SERPING1: variants seen among roughly 807,000 people sequenced by gnomAD.
SERPING1 encodes serpin family G member 1.
Under a neutral mutation model 34.1 loss-of-function variants are expected in SERPING1, and 5 were observed. That is an observed-to-expected ratio of 0.15 (90% CI 0.08 to 0.31). SERPING1 has a LOEUF of 0.31. Among genes scored for constraint, SERPING1 ranks in the 10% least tolerant of loss-of-function variants. The pLI, the probability that SERPING1 is intolerant of heterozygous loss-of-function variation, is 1.00. For synonymous variants in SERPING1, 225 were observed against 242.4 expected (o/e 0.93, Z 0.67); for missense variants, 505 against 609.5 (o/e 0.83, Z 1.81).
intron 6 of SERPING1, among the ~76,000 whole-genome samples, chr11:57,607,032 G>C (rs1022325032): frequency 6.6e-5 from 10 of 152,230 alleles, no homozygotes; most frequent in Non-Finnish European, 1.2e-4. Context: ...TTAGTTTGAT[G>C]AGTAGGGAGG....
chr11:57,613,774 A>G (rs1236950291), intron 7 of SERPING1, among the ~76,000 whole-genome samples: 4 of 152,120 alleles, frequency 2.6e-5, no homozygotes. Context: ...CCAAGCTTCT[A>G]ATCACACTTG....
At chr11:57,599,456 A>T (rs1439815813) in intron 2 of SERPING1, among the ~76,000 whole-genome samples, 1 of 152,098 alleles carries the variant, frequency 6.6e-6, no homozygotes, top group Non-Finnish European at 1.5e-5. Context: ...CAGTTTAAAA[A>T]TTTACTGTTC....
chr11:57,608,712 C>T (rs1945440551), intron 6 of SERPING1, among the ~76,000 whole-genome samples: 1 of 151,846 alleles, frequency 6.6e-6, no homozygotes, highest in South Asian at 2.1e-4. Flanking sequence ...GGGGTTTCAC[C>T]ATGTTGGCCA....
chr11:57,604,445 G>A lies in SERPING1; in HGVS notation c.686-1565G>A, dbSNP rs28362950. ...AGCTGTTTCTGGAGTCATGGTGGGA[G>A]TGGGGTGTGGGGAGCCTGAGCAGTG... On this transcript the variant is annotated intron_variant, in intron 4 of 7. Coordinates refer to ENST00000278407, the MANE Select transcript of SERPING1 (RefSeq NM_000062.3). Among the ~76,000 whole-genome samples the A allele has an allele frequency of 0.21, 32,019 of 151,768 alleles. 3,737 individuals are homozygous for A. Among genetic ancestry groups the A allele is most frequent in the Non-Finnish European group, 0.27 (18,320 of 67,826 alleles).
intron 2 of SERPING1, among the ~76,000 whole-genome samples, chr11:57,599,103 A>G (rs776031335): frequency 2.0e-5 from 3 of 152,056 alleles, no homozygotes; most frequent in Non-Finnish European, 4.4e-5. Context: ...CTACCTGTGA[A>G]ATGGAGCTAA....
At chr11:57,611,680 GTA>G (rs1480205077) in intron 6 of SERPING1, 35 bp from the exon 7 acceptor site, 3 of 1,571,428 alleles carry the variant, frequency 1.9e-6, no homozygotes, top group Non-Finnish European at 2.6e-6. Flanking sequence ...GAGAGATGCG[GTA>G]GGAAGACTGT....
intron 4 of SERPING1, 24 bp from the exon 5 acceptor site, chr11:57,605,986 C>T (rs775201416): frequency 1.2e-6 from 2 of 1,606,866 alleles, no homozygotes; most frequent in South Asian, 1.1e-5. Context: ...GGACTCATGC[C>T]TCCCTTTCTC....
Position 57,614,532 on chromosome 11 carries a change from A to T in SERPING1, c.1454A>T (p.Gln485Leu). 1 of 1,614,068 alleles carries T rather than the reference A, an allele frequency of 6.2e-7. No homozygotes were observed. Among genetic ancestry groups the T allele is most frequent in the South Asian group, 1.1e-5 (1 of 91,082 alleles). ...QPFLFVLWDQ[Q>L]HKFPVFMGRV... ...TTCCTCTTCGTGCTCTGGGACCAGC[A>T]GCACAAGTTCCCTGTCTTCATGGGG... Residue 485 changes from glutamine (Q) to leucine (L), a missense_variant, in exon 8 of 8, where the codon CAG (glutamine) becomes CTG (leucine). Transcript: ENST00000278407.
chr11:57,611,023 C>G (rs1945471379), intron 6 of SERPING1, among the ~76,000 whole-genome samples: 1 of 152,112 alleles, frequency 6.6e-6, no homozygotes, highest in Non-Finnish European at 1.5e-5. Flanking sequence ...CAGCCTCCAC[C>G]TCCCGGGTTC....
Position 57,614,499 on chromosome 11 carries a change from A to G in SERPING1, c.1421A>G (p.Gln474Arg). Residue 474 changes from glutamine to arginine, a missense_variant, in exon 8 of 8, where the codon CAG (glutamine) becomes CGG (arginine). Coordinates refer to ENST00000278407, the MANE Select transcript of SERPING1 (RefSeq NM_000062.3). ...VARTLLVFEV[Q>R]QPFLFVLWDQ... ...CGCACCCTGCTGGTCTTTGAAGTGC[A>G]GCAGCCCTTCCTCTTCGTGCTCTGG... 6.2e-7 allele frequency: 1 copy of G among 1,614,094 alleles called. No homozygotes were observed.
Position 57,606,474 on chromosome 11 carries a change from T to C in SERPING1, c.956T>C (p.Val319Ala). 1 of 1,614,168 alleles carries C rather than the reference T, an allele frequency of 6.2e-7. No homozygotes were observed. Among genetic ancestry groups the C allele is most frequent in the Non-Finnish European group, 8.5e-7 (1 of 1,180,028 alleles). The change falls in exon 6 of 8, where the codon GTT becomes GCT. Residue 319 changes from valine (V) to alanine (A), a missense_variant. By Grantham distance (64) the Val-to-Ala change is moderately conservative. Transcript: ENST00000278407. ...GAACCCTTTCACTTCAAAAACTCAG[T>C]TATAAAAGTGCCCATGATGAATAGC... Reference protein sequence around the residue: ...RMEPFHFKNSVIKVPMMNSKK... With the variant: ...RMEPFHFKNSAIKVPMMNSKK...
intron 7 of SERPING1, among the ~76,000 whole-genome samples, chr11:57,613,875 G>T (rs1442416454): frequency 6.6e-6 from 1 of 152,034 alleles, no homozygotes; most frequent in Admixed American, 6.6e-5. Context: ...AATTCCAAGG[G>T]ATCTAGTAGC....
chr11:57,611,628 G>A (rs148400975), intron 6 of SERPING1, 89 bp from the exon 7 acceptor site: 3 of 1,192,054 alleles, frequency 2.5e-6, no homozygotes, highest in Admixed American at 1.7e-5. Flanking sequence ...GACTGTGGGA[G>A]CAGACTGCAG....
rs773505671 is a variant in SERPING1, at chr11:57,599,979, C to T, written c.152C>T (p.Ser51Phe). 1 of 1,614,196 alleles carries T rather than the reference C, an allele frequency of 6.2e-7. No individual in the cohort carries two copies. The highest frequency in any genetic ancestry group is 8.5e-7 in the Non-Finnish European group (1 of 1,180,032). ...GGGAAGGTCGCAACAACAGTTATCT[C>T]CAAGATGCTATTCGTTGAACCCATC... ...GEGKVATTVI[S>F]KMLFVEPILE... Residue 51 changes from serine to phenylalanine, a missense_variant, in exon 3 of 8, where the codon TCC becomes TTC. Physicochemically the swap from Ser to Phe is radical, Grantham distance 155. Transcript: ENST00000278407.
intron 6 of SERPING1, among the ~76,000 whole-genome samples, chr11:57,608,651 T>C (rs1467446618): frequency 6.6e-6 from 1 of 152,104 alleles, no homozygotes; most frequent in Non-Finnish European, 1.5e-5. Flanking sequence ...TAGCTGGGAT[T>C]ATAGGTGCCT....
chr11:57,606,670 CT>C, intron 6 of SERPING1, 123 bp downstream of exon 6: 1 of 1,002,974 alleles, frequency 1.0e-6, no homozygotes, highest in East Asian at 2.4e-5. Flanking sequence ...CTCCTTCCAT[CT>C]GTATTTCCAC....
At chr11:57,611,443 C>T (rs967443762) in intron 6 of SERPING1, 10 of 522,896 alleles carry the variant, frequency 1.9e-5, no homozygotes, top group East Asian at 3.4e-5. Context: ...AATCAAATCA[C>T]TTGCCCATAT....
rs1185207838 is a variant in SERPING1 at position 57,611,897 on chromosome 11, A to C, written c.1210A>C (p.Thr404Pro). Residue 404 changes from threonine to proline, a missense_variant, in exon 7 of 8, where the codon ACG becomes CCG. By Grantham distance (38) the Thr-to-Pro change is conservative (BLOSUM62 -1). Transcript: ENST00000278407. ...CCTAACACTACCCCGCATCAAAGTG[A>C]CGACCAGCCAGGATATGCTCTCAAT... is the stretch of plus-strand genomic sequence containing the variant. ...TLLTLPRIKV[T>P]TSQDMLSIME... The C allele has an allele frequency of 6.2e-7, 1 of 1,614,178 alleles. No homozygotes were observed. Among genetic ancestry groups the C allele is most frequent in the Non-Finnish European group, 8.5e-7 (1 of 1,180,040 alleles).
Position 57,606,204 on chromosome 11 carries a change from T to C in SERPING1, c.880T>C (p.Tyr294His). 6.2e-7 allele frequency: 1 copy of C among 1,614,188 alleles called. No individual in the cohort carries two copies. The change falls in exon 5 of 8, where the codon TAC becomes CAC. Residue 294 changes from tyrosine (Y) to histidine (H), a missense_variant. Transcript: ENST00000278407. ...CCGCCTTGTCCTCCTCAATGCTATC[T>C]ACCTGAGTGGTAAGGGTGCCCTTAG... is the stretch of plus-strand genomic sequence containing the variant. ...DTRLVLLNAI[Y>H]LSAKWKTTFD...
Sources: gnomAD v4.1 joint callset for allele counts (sites outside exome capture counted in the v4.1 genomes callset) on GRCh38, gnomAD v4.1.1 for gene constraint, MANE v1.5 for transcripts, NCBI Gene and HGNC (gene_info 2026-07-23, HGNC 2026-07-21) for gene names.